Variants in CD24 observed in about 807,000 individuals in gnomAD.
CD24 encodes the protein signal transducer CD24.
CD24 carries 2 observed loss-of-function variants against 3.6 expected under a neutral mutation model. That is an observed-to-expected ratio of 0.56 (90% CI 0.23 to 1.77). The LOEUF (loss-of-function observed/expected upper bound fraction) is 1.77, where lower values mean the gene tolerates loss of function less well. Among genes scored for constraint, CD24 ranks in the 40% most tolerant of loss-of-function variants. The pLI, the probability that CD24 is intolerant of heterozygous loss-of-function variation, is 0.18. For missense variants in CD24, 62 were observed against 93.6 expected (o/e 0.66, Z 1.39); for synonymous variants, 33 against 44.9 (o/e 0.74, Z 1.06).
intron 1 of CD24, among the ~76,000 whole-genome samples, chr6:106,972,677 G>A (rs1344867350): frequency 6.6e-6 from 1 of 152,080 alleles, no homozygotes; most frequent in African/African-American, 2.4e-5. Flanking sequence ...AGTCCAGTAG[G>A]GCACGTGATA....
At chr6:106,973,839 AC>A (rs1416442848) in intron 1 of CD24, 5 of 398,224 alleles carry the variant, frequency 1.3e-5, no homozygotes, top group Non-Finnish European at 2.2e-5. Context: ...GGTAGCGGCG[AC>A]CCGAACAAAG....
At chr6:106,972,505 C>T (rs1039230496) in intron 1 of CD24, among the ~76,000 whole-genome samples, 1 of 152,150 alleles carries the variant, frequency 6.6e-6, no homozygotes, top group Non-Finnish European at 1.5e-5. Context: ...GAAGTCGGAA[C>T]GATTTCACAA....
At chr6:106,973,929 G>A (rs1439711569) in intron 1 of CD24, 4 of 398,418 alleles carry the variant, frequency 1.0e-5, no homozygotes, top group African/African-American at 8.2e-5. Context: ...AATAACATGG[G>A]GATCCTAAGA....
At chr6:106,975,334 G>C (rs1773084302), upstream of CD24, 1 of 152,022 alleles carries the variant, frequency 6.6e-6, no homozygotes, top group Admixed American at 6.6e-5. Context: ...AGGGGAACGC[G>C]GCGGGCGTGG....
chr6:106,974,095 T>A, intron 1 of CD24: 1 of 396,260 alleles, frequency 2.5e-6, no homozygotes, highest in Non-Finnish European at 4.4e-6. Flanking sequence ...GGGTGGAGGA[T>A]GGGCGTGAGC....
chr6:106,976,459 C>T (rs947419898), upstream of CD24, among the ~76,000 whole-genome samples: 2 of 152,204 alleles, frequency 1.3e-5, no homozygotes, highest in Non-Finnish European at 2.9e-5. Context: ...AGCTCAGTAA[C>T]TTTCCAAGCA....
chr6:106,970,538 G>A lies in CD24; in HGVS notation c.*1123C>T, dbSNP rs1469478854. Reference sequence around the variant, plus strand: ...ATAAAAAGCATTTTGATGGCTGGGCGCGGGGGCTCAAGCCTGTAATCCCAG... The same window carrying A: ...ATAAAAAGCATTTTGATGGCTGGGCACGGGGGCTCAAGCCTGTAATCCCAG... On this transcript the variant is annotated 3_prime_UTR_variant, in exon 2 of 2. Coordinates refer to ENST00000606017, the MANE Select transcript of CD24 (RefSeq NM_001359084.1). The A allele has an allele frequency of 3.3e-5, 5 of 152,314 alleles. No individual in the cohort carries two copies. The highest frequency in any genetic ancestry group is 2.1e-4 in the South Asian group (1 of 4,822). 9.4% of individuals were successfully genotyped at this position (152,314 alleles called of 1,614,324 possible). A position where few individuals can be genotyped will look rare whatever the true frequency, so the allele number is the denominator to read the frequency against.
At chr6:106,975,835 C>T (rs1337930524), upstream of CD24, among the ~76,000 whole-genome samples, 3 of 152,240 alleles carry the variant, frequency 2.0e-5, no homozygotes, top group Non-Finnish European at 2.9e-5. Flanking sequence ...TACACTTTTT[C>T]GGTCTCTGTT....
upstream of CD24, chr6:106,975,311 C>G (rs1477636086): frequency 6.6e-6 from 1 of 152,056 alleles, no homozygotes; most frequent in Non-Finnish European, 1.5e-5. Flanking sequence ...TCTCTCGGCC[C>G]GCCGCAGAGG....
upstream of CD24, chr6:106,975,306 C>T (rs999351740): frequency 1.3e-5 from 2 of 152,078 alleles, no homozygotes; most frequent in Admixed American, 6.5e-5. Context: ...GGTTATCTCT[C>T]GGCCCGCCGC....
At chr6:106,974,278 G>C (rs1773048425) in intron 1 of CD24, among the ~76,000 whole-genome samples, 1 of 152,248 alleles carries the variant, frequency 6.6e-6, no homozygotes, top group South Asian at 2.1e-4. Flanking sequence ...AAAGTGGGAA[G>C]TAGTCACCTG....
Position 106,974,614 on chromosome 6 carries a change from C to T in CD24, c.33G>A (p.Leu11=). The part of the protein sequence containing the change: MGRAMVARLG[L]GLLLLALLLP... ...GGAGCAGTGCCAGCAGCAGCAGCCC[C>T]AGCCCGAGCCTGGCCACCATTGCTC... The change falls in exon 1 of 2, where the codon CTG becomes CTA. Residue 11 remains leucine, a synonymous_variant. Transcript: ENST00000606017. 1 of 1,472,550 alleles carries T rather than the reference C, an allele frequency of 6.8e-7. No individual in the cohort carries two copies. The highest frequency in any genetic ancestry group is 8.9e-7 in the Non-Finnish European group (1 of 1,118,282). 91.2% of individuals were successfully genotyped at this position (1,472,550 alleles called of 1,614,324 possible). A position where few individuals can be genotyped will look rare whatever the true frequency, so the allele number is the denominator to read the frequency against.
At chr6:106,974,498 G>A (rs944548438) in intron 1 of CD24, 80 bp downstream of exon 1, 2 of 791,472 alleles carry the variant, frequency 2.5e-6, no homozygotes, top group Admixed American at 4.1e-5. Context: ...AGCGCAGGAC[G>A]GTCCCCCGGG....
At chr6:106,976,454 A>T (rs989110236), upstream of CD24, among the ~76,000 whole-genome samples, 7,456 of 152,306 alleles carry the variant, frequency 0.049, 248 homozygotes, top group South Asian at 0.11. Flanking sequence ...ACTTTAGCTC[A>T]GTAACTTTCC....
At chr6:106,972,080 T>C (rs1331147264) in intron 1 of CD24, among the ~76,000 whole-genome samples, 1 of 152,200 alleles carries the variant, frequency 6.6e-6, no homozygotes, top group Non-Finnish European at 1.5e-5. Context: ...AGTTATTCAA[T>C]AACTATAACT....
At chr6:106,974,022 C>T (rs1445142866) in intron 1 of CD24, 2 of 397,612 alleles carry the variant, frequency 5.0e-6, no homozygotes, top group Non-Finnish European at 8.9e-6. Context: ...AGCCCGGAAC[C>T]GGGGTTTGTT....
In CD24 at chr6:106,974,567, C is replaced by T; in HGVS notation, c.69+11G>A. 1.4e-6 allele frequency: 2 copies of T among 1,427,442 alleles called. No individual in the cohort carries two copies. The highest frequency in any genetic ancestry group is 1.8e-6 in the Non-Finnish European group (2 of 1,095,488). The allele number at this position is 1,427,442 out of a possible 1,614,324, so 88.4% of individuals were successfully genotyped here. A position where few individuals can be genotyped will look rare whatever the true frequency, so the allele number is the denominator to read the frequency against. On this transcript the variant is annotated intron_variant, in intron 1 of 1. Coordinates refer to ENST00000606017, the MANE Select transcript of CD24 (RefSeq NM_001359084.1). ...ACGGCCCTCGAGCCCCGCCGGGCGCCAGGGCCTCACCTGCGTGGGTAGGAG... is the reference window on the plus strand; with the variant it reads ...ACGGCCCTCGAGCCCCGCCGGGCGCTAGGGCCTCACCTGCGTGGGTAGGAG...
At chr6:106,971,883 C>T in intron 1 of CD24, 49 bp from the exon 2 acceptor site, 3 of 1,227,838 alleles carry the variant, frequency 2.4e-6, no homozygotes, top group Non-Finnish European at 3.5e-6. Context: ...TCACAGCTAC[C>T]TCCATGTACT....
At chr6:106,974,789 T>G, upstream of CD24, 1 of 786,860 alleles carries the variant, frequency 1.3e-6, no homozygotes, top group Non-Finnish European at 1.9e-6. Flanking sequence ...AGCCGTGACG[T>G]GGCGCCGCCC....
Sources: allele counts gnomAD v4.1 joint callset (sites outside exome capture counted in the v4.1 genomes callset), GRCh38; gene constraint gnomAD v4.1.1; transcripts MANE v1.5; gene names NCBI Gene and HGNC (gene_info 2026-07-23, HGNC 2026-07-21).